GALK2: variants seen among roughly 807,000 people sequenced by gnomAD.
GALK2 encodes galactokinase 2, also known as N-acetylgalactosamine kinase.
Under a neutral mutation model 52.4 loss-of-function variants are expected in GALK2, and 36 were observed. The observed-to-expected ratio is 0.69, with a 90% CI of 0.53 to 0.91. The LOEUF is 0.91. Among genes scored for constraint, GALK2 ranks in the 40% least tolerant of loss-of-function variants. GALK2 has a pLI of 0.00. For synonymous variants in GALK2, 176 were observed against 199.1 expected, an observed-to-expected ratio of 0.88 and a Z score of 0.98; for missense variants, 579 against 559.1, an observed-to-expected ratio of 1.04 and a Z score of -0.36.
At chr15:49,226,227 G>A (rs988876455) in intron 3 of GALK2, among the ~76,000 whole-genome samples, 1 of 152,108 alleles carries the variant, frequency 6.6e-6, no homozygotes, top group Admixed American at 6.5e-5. Flanking sequence ...GTTTATGGGC[G>A]TCATAGGATC....
intron 8 of GALK2, among the ~76,000 whole-genome samples, chr15:49,310,097 GTTATT>G (rs1303075103): frequency 6.6e-6 from 1 of 152,068 alleles, no homozygotes; most frequent in Non-Finnish European, 1.5e-5. Context: ...CATGAGCTCA[GTTATT>G]TTTAGCTCCT....
chr15:49,326,760 A>C (rs1357449849), intron 9 of GALK2, among the ~76,000 whole-genome samples: 1 of 152,044 alleles, frequency 6.6e-6, no homozygotes, highest in Non-Finnish European at 1.5e-5. Flanking sequence ...TTCTTTCTTA[A>C]ATACCTATGT....
At chr15:49,352,006 G>C (rs1294563498) in intron 3 of GALK2, among the ~76,000 whole-genome samples, 3 of 152,210 alleles carry the variant, frequency 2.0e-5, no homozygotes, top group African/African-American at 7.2e-5. Flanking sequence ...CTAAGATGGA[G>C]TCTATCATGT....
intron 1 of GALK2, chr15:49,156,740 C>A: frequency 1.8e-6 from 1 of 553,896 alleles, no homozygotes. Flanking sequence ...GAAAATAGCG[C>A]AAGAATATCA....
chr15:49,284,805 T>C (rs16962274), intron 7 of GALK2, among the ~76,000 whole-genome samples: 9,171 of 152,250 alleles, frequency 0.06, 550 homozygotes, highest in African/African-American at 0.15. Flanking sequence ...ATCATATCTG[T>C]ATGTCTCTCT....
intron 1 of GALK2, among the ~76,000 whole-genome samples, chr15:49,184,506 TG>T (rs779017071): frequency 1.3e-5 from 2 of 152,184 alleles, no homozygotes; most frequent in Non-Finnish European, 2.9e-5. Flanking sequence ...AGGACTTTTC[TG>T]CCATTTTATT....
intron 5 of GALK2, among the ~76,000 whole-genome samples, chr15:49,276,285 T>A (rs1370974427): frequency 6.7e-6 from 1 of 149,368 alleles, no homozygotes. Context: ...GCTTTGCTGA[T>A]CTAGCTTGAG....
intron 3 of GALK2, among the ~76,000 whole-genome samples, chr15:49,233,895 C>T (rs1468232614): frequency 6.6e-6 from 1 of 152,162 alleles, no homozygotes; most frequent in East Asian, 1.9e-4. Flanking sequence ...TATTTATGTT[C>T]ATGTCATCTT....
At chr15:49,255,070 G>A (rs2091758979) in intron 5 of GALK2, among the ~76,000 whole-genome samples, 1 of 143,040 alleles carries the variant, frequency 7.0e-6, no homozygotes, top group African/African-American at 2.5e-5. Context: ...TCCCCTCAAA[G>A]CAAGGCATTC....
At chr15:49,361,868 G>A (rs2044298448) in intron 3 of GALK2, among the ~76,000 whole-genome samples, 2 of 152,098 alleles carry the variant, frequency 1.3e-5, no homozygotes, top group African/African-American at 4.8e-5. Context: ...CACCAGCAGT[G>A]TATAAGCATT....
In GALK2 at chr15:49,355,868, C is replaced by T. The variant is rs577870268; in HGVS notation, c.427-11623C>T. Among the ~76,000 whole-genome samples the T allele has an allele frequency of 1.6e-3, 245 of 152,238 alleles. 4 individuals carry two copies. The highest frequency in any genetic ancestry group is 8.0e-3 in the Admixed American group (123 of 15,288). ...AGGTCGGGTCACCCTCAAAGGGAAG[C>T]CCATCAGACTAACAGTGGATCTCTC... On this transcript the variant is annotated intron_variant, in intron 3 of 3. Transcript: ENST00000558399.
At chr15:49,303,009 A>G (rs892389584) in intron 8 of GALK2, among the ~76,000 whole-genome samples, 1 of 152,222 alleles carries the variant, frequency 6.6e-6, no homozygotes, top group Admixed American at 6.5e-5. Context: ...AAGTTTGCAG[A>G]AAATTTGCTT....
intron 1 of GALK2, among the ~76,000 whole-genome samples, chr15:49,190,300 C>T (rs989292799): frequency 3.3e-5 from 5 of 151,604 alleles, no homozygotes; most frequent in African/African-American, 1.2e-4. Flanking sequence ...TTTTTTTTTC[C>T]ATAGAAATCG....
At chr15:49,345,556 G>T (rs1446082041) in intron 3 of GALK2, among the ~76,000 whole-genome samples, 3 of 152,166 alleles carry the variant, frequency 2.0e-5, no homozygotes, top group African/African-American at 7.2e-5. Context: ...TATGAACAAT[G>T]GTTATATTCT....
intron 1 of GALK2, 76 bp downstream of exon 1, chr15:49,170,451 C>T (rs1440690088): frequency 1.3e-5 from 19 of 1,439,980 alleles, no homozygotes; most frequent in Admixed American, 4.1e-5. Flanking sequence ...GCACTTGGCT[C>T]CTCCCTTGGG....
chr15:49,362,409 C>G (rs181370287), intron 3 of GALK2, among the ~76,000 whole-genome samples: 1 of 152,302 alleles, frequency 6.6e-6, no homozygotes, highest in African/African-American at 2.4e-5. Context: ...TCCTGTTAAA[C>G]CTGCAGAACT....
intron 5 of GALK2, among the ~76,000 whole-genome samples, chr15:49,281,346 G>A (rs1457690875): frequency 6.6e-6 from 1 of 152,186 alleles, no homozygotes; most frequent in Non-Finnish European, 1.5e-5. Context: ...CCCAGATTTT[G>A]GAAGCCTTCG....
At position 49,319,243 on chromosome 15, in the gene GALK2, C is replaced by T. The variant is rs115446971; in HGVS notation, c.968-361C>T. ...TGCTGGGATTACGGATGTGAGCTACCGCGCCTGGCCTACACAAAGTAGTAT... is the reference window on the plus strand; with the variant it reads ...TGCTGGGATTACGGATGTGAGCTACTGCGCCTGGCCTACACAAAGTAGTAT... On this transcript the variant is annotated intron_variant, in intron 8 of 9. Coordinates refer to ENST00000560031, the MANE Select transcript of GALK2 (RefSeq NM_002044.4). The T allele has an allele frequency of 1.1e-3, 401 of 349,946 alleles. 1 individual carries two copies. The highest frequency in any genetic ancestry group is 7.5e-3 in the African/African-American group (351 of 46,584). The allele number at this position is 349,946 out of a possible 1,614,324, so 21.7% of individuals were successfully genotyped here.
At chr15:49,327,483 A>G (rs1161248324) in intron 9 of GALK2, 1 of 152,706 alleles carries the variant, frequency 6.5e-6, no homozygotes, top group African/African-American at 2.4e-5. Flanking sequence ...TGCAGCTGAA[A>G]TAGCCATTGG....
Sources: allele counts gnomAD v4.1 joint callset (sites outside exome capture counted in the v4.1 genomes callset), GRCh38; gene constraint gnomAD v4.1.1; transcripts MANE v1.5; gene names NCBI Gene and HGNC (gene_info 2026-07-23, HGNC 2026-07-21).